The following GABRA5 variants were observed in gnomAD, a reference collection of about 807,000 sequenced individuals.
The protein encoded by GABRA5 is gamma-aminobutyric acid type A receptor subunit alpha5, also known as gamma-aminobutyric acid receptor subunit alpha-5.
GABRA5 carries 18 observed loss-of-function variants against 47.3 expected under a neutral mutation model. The observed-to-expected ratio is 0.38, with a 90% CI of 0.26 to 0.56. The LOEUF is 0.56. Among genes scored for constraint, GABRA5 ranks in the 20% least tolerant of loss-of-function variants. The pLI, the probability that GABRA5 is intolerant of heterozygous loss-of-function variation, is 0.71. For missense variants in GABRA5, 365 were observed against 599.3 expected (o/e 0.61, Z 4.08); for synonymous variants, 237 against 229.3 (o/e 1.03, Z -0.30).
chr15:26,929,196 G>A (rs1367319122), intron 7 of GABRA5, among the ~76,000 whole-genome samples: 1 of 152,328 alleles, frequency 6.6e-6, no homozygotes, highest in African/African-American at 2.4e-5. Context: ...TCTTTGGGCA[G>A]AATTCTTTTC....
chr15:26,929,982 TTTCTTCTTC>T (rs1223099935), intron 7 of GABRA5, among the ~76,000 whole-genome samples: 15 of 148,300 alleles, frequency 1.0e-4, no homozygotes, highest in Non-Finnish European at 1.3e-4. Context: ...ATTCTGCTTC[TTTCTTCTTC>T]TTCTTCTTCT....
At chr15:26,938,841 T>A (rs1894312452) in intron 8 of GABRA5, among the ~76,000 whole-genome samples, 1 of 152,358 alleles carries the variant, frequency 6.6e-6, no homozygotes, top group African/African-American at 2.4e-5. Flanking sequence ...CTCCGACATA[T>A]GCCATGTTTT....
intron 3 of GABRA5, among the ~76,000 whole-genome samples, chr15:26,878,890 T>A (rs1445041118): frequency 6.6e-6 from 1 of 152,196 alleles, no homozygotes; most frequent in Admixed American, 6.5e-5. Flanking sequence ...CCCAGTGGGA[T>A]GGTGTTTCCC....
intron 6 of GABRA5, among the ~76,000 whole-genome samples, chr15:26,902,707 G>T (rs550988151): frequency 6.6e-6 from 1 of 151,938 alleles, no homozygotes; most frequent in African/African-American, 2.4e-5. Context: ...AGACATCCTT[G>T]CCTTGTTCCT....
At chr15:26,944,242 CAGCAG>C (rs1374157627) in intron 10 of GABRA5, among the ~76,000 whole-genome samples, 2 of 152,240 alleles carry the variant, frequency 1.3e-5, no homozygotes, top group African/African-American at 2.4e-5. Flanking sequence ...AAGCCAGTTA[CAGCAG>C]AGCAGGAGGC....
In GABRA5 at chr15:26,945,260, C is replaced by G. The variant is rs528779275; in HGVS notation, c.1089+1834C>G. 9.8e-5 allele frequency among the ~76,000 whole-genome samples: 15 copies of G among 152,336 alleles called. No individual in the cohort carries two copies. In the South Asian group the frequency reaches 1.9e-3, roughly 19 times the overall value. ...GCATGCAGGCCTCACACCCCGCGGT[C>G]AGACACTGGCGCGAGCGTGAATACC... On this transcript the variant is annotated intron_variant, in intron 10 of 10. Transcript: ENST00000335625.
chr15:26,902,111 C>A (rs1389164500), intron 6 of GABRA5, among the ~76,000 whole-genome samples: 1 of 152,018 alleles, frequency 6.6e-6, no homozygotes, highest in Non-Finnish European at 1.5e-5. Flanking sequence ...CCCTCGATAT[C>A]ATTATGGCTA....
In GABRA5 at chr15:26,901,040, A is replaced by G. The variant is rs573453146; in HGVS notation, c.498-13763A>G. ...GCACAACACTGCATTATCTGCATACACTATAGTTTATCCATTCATCTATGG... is the reference window on the plus strand; with the variant it reads ...GCACAACACTGCATTATCTGCATACGCTATAGTTTATCCATTCATCTATGG... On this transcript the variant is annotated intron_variant, in intron 6 of 10. Transcript: ENST00000335625. 3.9e-4 allele frequency among the ~76,000 whole-genome samples: 59 copies of G among 152,154 alleles called. 1 individual carries two copies. The highest frequency in any genetic ancestry group is 1.4e-3 in the African/African-American group (59 of 41,454).
At chr15:26,916,324 A>G (rs1352805095) in intron 7 of GABRA5, among the ~76,000 whole-genome samples, 1 of 152,174 alleles carries the variant, frequency 6.6e-6, no homozygotes, top group Non-Finnish European at 1.5e-5. Context: ...CACTTGTTGA[A>G]GAGATTATCT....
intron 6 of GABRA5, among the ~76,000 whole-genome samples, chr15:26,893,501 GA>G (rs1387877609): frequency 7.2e-6 from 1 of 139,634 alleles, no homozygotes; most frequent in African/African-American, 2.6e-5. Context: ...CCTGGGCCTG[GA>G]CCTCCCTCCT....
chr15:26,943,262 A>G lies in GABRA5; in HGVS notation c.925A>G (p.Asn309Asp). 1 of 1,566,846 alleles carries G rather than the reference A, an allele frequency of 6.4e-7. No individual in the cohort carries two copies. Among genetic ancestry groups the G allele is most frequent in the Non-Finnish European group, 8.7e-7 (1 of 1,155,986 alleles). The stretch of plus-strand genomic sequence containing the variant: ...GACGACCCTCAGCATCAGCGCCAGG[A>G]ACTCTCTGCCCAAAGTGGCCTACGC... ...TMTTLSISARNSLPKVAYATA... is the reference protein window; with the variant it reads ...TMTTLSISARDSLPKVAYATA... The change falls in exon 10 of 11, where the codon AAC (asparagine) becomes GAC (aspartate). Residue 309 changes from asparagine (N) to aspartate (D), a missense_variant. Physicochemically the swap from Asn to Asp is conservative, Grantham distance 23. This residue lies in a region of GABRA5 where 43 missense variants were observed against 133.7 expected (regional missense o/e 0.32). Transcript: ENST00000335625.
At chr15:26,940,601 G>A (rs964808765) in intron 9 of GABRA5, among the ~76,000 whole-genome samples, 8 of 152,170 alleles carry the variant, frequency 5.3e-5, no homozygotes, top group Non-Finnish European at 1.0e-4. Context: ...AGGATACTCA[G>A]TCTGTAGAAT....
rs879417314 is a variant in GABRA5 at position 26,911,388 on chromosome 15, C to CACACACACACAA, written c.498-3406_498-3405insCAAACACACACA. ...TGCTGCATGCACACACACACACACA[C>CACACACACACAA]ACACACACAAACACACACACTCCTG... is the stretch of plus-strand genomic sequence containing the variant. On this transcript the variant is annotated intron_variant, in intron 6 of 10. Transcript: ENST00000335625. 1.1e-3 allele frequency among the ~76,000 whole-genome samples: 158 copies of CACACACACACAA among 146,764 alleles called. 1 individual carries two copies. Among genetic ancestry groups the CACACACACACAA allele is most frequent in the Middle Eastern group, 3.5e-3 (1 of 282 alleles).
chr15:26,937,037 C>T, intron 7 of GABRA5, 148 bp from the exon 8 acceptor site: 2 of 934,274 alleles, frequency 2.1e-6, no homozygotes, highest in Non-Finnish European at 3.4e-6. Context: ...TGCCCTGGTC[C>T]AACCACCCTA....
At chr15:26,889,037 A>G (rs967740962) in intron 6 of GABRA5, among the ~76,000 whole-genome samples, 2 of 152,252 alleles carry the variant, frequency 1.3e-5, no homozygotes, top group African/African-American at 2.4e-5. Flanking sequence ...TAGAATGTTG[A>G]CATTTTTACA....
At chr15:26,911,942 A>G (rs1280036862) in intron 6 of GABRA5, among the ~76,000 whole-genome samples, 2 of 152,170 alleles carry the variant, frequency 1.3e-5, no homozygotes, top group Non-Finnish European at 2.9e-5. Context: ...GTGGGGTTAT[A>G]GTGTTGTTAG....
chr15:26,927,974 G>A (rs892080985), intron 7 of GABRA5, among the ~76,000 whole-genome samples: 1 of 151,996 alleles, frequency 6.6e-6, no homozygotes, highest in African/African-American at 2.4e-5. Context: ...CGGTCCATAA[G>A]GAAATTCCTT....
At position 26,904,694 on chromosome 15, in the gene GABRA5, G is replaced by A. The variant is rs958315471; in HGVS notation, c.498-10109G>A. ...AGCTCTTTCACCTCCTGGGTGAGCT[G>A]TATTCCTAGGTATTTCATTCTTTTT... is the stretch of plus-strand genomic sequence containing the variant. On this transcript the variant is annotated intron_variant, in intron 6 of 10. Coordinates refer to ENST00000335625, the MANE Select transcript of GABRA5 (RefSeq NM_000810.4). Among the ~76,000 whole-genome samples, 3 of 152,096 alleles carry A rather than the reference G, an allele frequency of 2.0e-5. 1 individual carries two copies.
At chr15:26,899,641 A>G (rs1351023171) in intron 6 of GABRA5, among the ~76,000 whole-genome samples, 1 of 152,134 alleles carries the variant, frequency 6.6e-6, no homozygotes, top group Non-Finnish European at 1.5e-5. Flanking sequence ...TATAATTTCT[A>G]TACATTTTGA....
Sources: allele counts gnomAD v4.1 joint callset (sites outside exome capture counted in the v4.1 genomes callset), GRCh38; gene constraint gnomAD v4.1.1; regional missense constraint gnomAD v4.1.1; transcripts MANE v1.5; gene names NCBI Gene and HGNC (gene_info 2026-07-23, HGNC 2026-07-21).